Variants in PRKCH observed in about 807,000 individuals in gnomAD.
PRKCH encodes protein kinase C eta type.
A neutral mutation model predicts 82.5 loss-of-function variants in PRKCH; 28 were observed. That is an observed-to-expected ratio of 0.34 (90% confidence interval 0.25 to 0.47). The LOEUF is 0.47. Among genes scored for constraint, PRKCH ranks in the 20% least tolerant of loss-of-function variants. The pLI is 1.00. For synonymous variants in PRKCH, 322 were observed against 327.4 expected (o/e 0.98, Z 0.18); for missense variants, 705 against 881.8 (o/e 0.80, Z 2.54).
chr14:61,379,860 A>G (rs1299797810), intron 1 of PRKCH, among the ~76,000 whole-genome samples: 1 of 152,184 alleles, frequency 6.6e-6, no homozygotes, highest in African/African-American at 2.4e-5. Context: ...TACTTAGCAG[A>G]AACGAGGAGT....
At chr14:61,479,113 T>TTGTCTC (rs1362215219) in intron 9 of PRKCH, among the ~76,000 whole-genome samples, 1 of 152,126 alleles carries the variant, frequency 6.6e-6, no homozygotes, top group African/African-American at 2.4e-5. Context: ...CCCTGATCTC[T>TTGTCTC]TGTCTCTGCC....
chr14:61,241,320 TC>T (rs1327203063), intron 1 of PRKCH, among the ~76,000 whole-genome samples: 1 of 152,178 alleles, frequency 6.6e-6, no homozygotes, highest in Non-Finnish European at 1.5e-5. Flanking sequence ...CTGAACCCAG[TC>T]TTTTGGCAGG....
rs1356735144 is a variant in PRKCH at position 61,322,065 on chromosome 14, C to T, written c.-37C>T. The T allele has an allele frequency of 1.3e-6, 2 of 1,501,056 alleles. No homozygotes were observed. The highest frequency in any genetic ancestry group is 1.8e-6 in the Non-Finnish European group (2 of 1,120,128). 93.0% of individuals were successfully genotyped at this position (1,501,056 alleles called of 1,614,324 possible). A position where few individuals can be genotyped will look rare whatever the true frequency, so the allele number is the denominator to read the frequency against. On this transcript the variant is annotated 5_prime_UTR_variant, in exon 1 of 14. Transcript: ENST00000332981. ...GACTCCCGGTTCTCCCGCTGCGAAGCAGCGCGGCCCCCCGGGGCCGGGGCA... is the reference window on the plus strand; with the variant it reads ...GACTCCCGGTTCTCCCGCTGCGAAGTAGCGCGGCCCCCCGGGGCCGGGGCA...
At chr14:61,488,361 C>G (rs1190376151) in intron 10 of PRKCH, among the ~76,000 whole-genome samples, 1 of 152,132 alleles carries the variant, frequency 6.6e-6, no homozygotes, top group Non-Finnish European at 1.5e-5. Flanking sequence ...GCACTTGTTA[C>G]AGGACCAGCA....
chr14:61,503,975 A>G (rs143692480), intron 10 of PRKCH, among the ~76,000 whole-genome samples: 1 of 152,128 alleles, frequency 6.6e-6, no homozygotes, highest in Admixed American at 6.5e-5. Flanking sequence ...CAAGATAAAA[A>G]CTCATCAGAG....
chr14:61,211,690 C>T (rs533086828), intron 1 of PRKCH, among the ~76,000 whole-genome samples: 110 of 152,252 alleles, frequency 7.2e-4, no homozygotes, highest in African/African-American at 1.5e-3. Context: ...GACTGCAGCC[C>T]GCTCCTCACC....
Position 61,547,859 on chromosome 14 carries a change from A to T in PRKCH, c.1878A>T (p.Gln626His). The part of the protein sequence containing the change: ...EIDWAQLNHR[Q>H]IEPPFRPRIK... The stretch of plus-strand genomic sequence containing the variant: ...ACTGGGCCCAGCTGAACCATCGCCA[A>T]ATAGAACCGCCTTTCAGACCCAGAA... Residue 626 changes from glutamine to histidine, a missense_variant, in exon 13 of 14, where the codon CAA becomes CAT. By Grantham distance (24) the Gln-to-His change is conservative. Around this residue, in one of 5 missense-constraint regions of PRKCH, gnomAD observed 91 missense variants for 81.2 expected, o/e 1.12. Coordinates refer to ENST00000332981, the MANE Select transcript of PRKCH (RefSeq NM_006255.5). 6.2e-7 allele frequency: 1 copy of T among 1,614,006 alleles called. No individual in the cohort carries two copies. Among genetic ancestry groups the T allele is most frequent in the African/African-American group, 1.3e-5 (1 of 75,040 alleles).
intron 5 of PRKCH, 71 bp downstream of exon 5, chr14:61,449,323 C>T: frequency 1.7e-6 from 2 of 1,192,740 alleles, no homozygotes; most frequent in Non-Finnish European, 2.4e-6. Flanking sequence ...CGTCTCTCTC[C>T]CTCCCTCCCT....
At chr14:61,429,745 A>C (rs929540322) in intron 2 of PRKCH, among the ~76,000 whole-genome samples, 3 of 152,234 alleles carry the variant, frequency 2.0e-5, no homozygotes, top group African/African-American at 7.2e-5. Flanking sequence ...GAGGAAGCAG[A>C]AACAATGTAA....
At chr14:61,290,257 A>C (rs1297518443) in intron 1 of PRKCH, among the ~76,000 whole-genome samples, 1 of 151,572 alleles carries the variant, frequency 6.6e-6, no homozygotes, top group Non-Finnish European at 1.5e-5. Context: ...ACACCAGTGC[A>C]CTCCAGCCTG....
chr14:61,285,725 A>G (rs970307322), intron 1 of PRKCH, among the ~76,000 whole-genome samples: 2 of 152,228 alleles, frequency 1.3e-5, no homozygotes, highest in African/African-American at 4.8e-5. Context: ...AGCCAGTGCA[A>G]TGGAGGCTGC....
At chr14:61,542,060 C>T (rs2043193325) in intron 12 of PRKCH, among the ~76,000 whole-genome samples, 1 of 151,956 alleles carries the variant, frequency 6.6e-6, no homozygotes, top group South Asian at 2.1e-4. Context: ...GAGGCCGAGG[C>T]AGGCGGATCA....
Position 61,457,679 on chromosome 14 carries a change from C to T in PRKCH, c.1278C>T (p.Pro426=), listed in dbSNP as rs149671171. ...LTQLFCCFQT[P]DRLFFVMEFV... ...AGTTGTTCTGCTGCTTTCAGACCCC[C>T]GTAAGTATGAATCACATTCACTGCA... Residue 426 remains proline, a splice_region_variant and synonymous_variant, in exon 9 of 14, where the codon CCC becomes CCT. Coordinates refer to ENST00000332981, the MANE Select transcript of PRKCH (RefSeq NM_006255.5). The T allele has an allele frequency of 2.1e-5, 34 of 1,613,842 alleles. No individual in the cohort carries two copies. Among genetic ancestry groups the T allele is most frequent in the Middle Eastern group, 1.6e-4 (1 of 6,062 alleles).
intron 1 of PRKCH, among the ~76,000 whole-genome samples, chr14:61,283,915 A>C (rs2045293077): frequency 6.6e-6 from 1 of 152,214 alleles, no homozygotes; most frequent in Non-Finnish European, 1.5e-5. Flanking sequence ...AAAGGGAAGG[A>C]GAAAGGCAAG....
intron 10 of PRKCH, among the ~76,000 whole-genome samples, chr14:61,502,084 CG>C (rs1886943550): frequency 2.2e-5 from 1 of 46,348 alleles, no homozygotes; most frequent in African/African-American, 8.7e-5. Context: ...TTTTTTTTTC[CG>C]AGATGGAGTC....
chr14:61,310,258 T>A (rs192583384), intron 1 of PRKCH, among the ~76,000 whole-genome samples: 30 of 152,278 alleles, frequency 2.0e-4, no homozygotes, highest in Non-Finnish European at 4.0e-4. Flanking sequence ...GTCCAAAGTT[T>A]CATTTGAGAC....
At position 61,280,720 on chromosome 14, in the gene PRKCH, G is replaced by T. The variant is rs745763965; in HGVS notation, c.-19+93052G>T. 9 of 1,578,256 alleles carry T rather than the reference G, an allele frequency of 5.7e-6. No individual in the cohort carries two copies. The South Asian group carries it at 1.0e-4, about 18-fold the overall frequency. ...CTGGTAGGGGGCGCACTCGTTGACA[G>T]GGTGGCGCAGCGCGCTGGGGAGTCC... On this transcript the variant is annotated intron_variant, in intron 1 of 3. Transcript: ENST00000555185. This position sits in a 1 kb window ranked among gnomAD's most constrained non-coding sequence, Gnocchi z 5.0.
intron 1 of PRKCH, among the ~76,000 whole-genome samples, chr14:61,271,658 A>C (rs2045154820): frequency 6.6e-6 from 1 of 152,216 alleles, no homozygotes; most frequent in Non-Finnish European, 1.5e-5. Flanking sequence ...TGTGAAATGC[A>C]GTTAATATTA....
intron 1 of PRKCH, among the ~76,000 whole-genome samples, chr14:61,309,583 G>A (rs931902640): frequency 1.1e-4 from 16 of 152,154 alleles, no homozygotes; most frequent in African/African-American, 3.6e-4. Context: ...GCAAACCAAA[G>A]TCTTTGAAAG....
Sources: allele counts gnomAD v4.1 joint callset (sites outside exome capture counted in the v4.1 genomes callset), GRCh38; gene constraint gnomAD v4.1.1; regional missense constraint gnomAD v4.1.1; non-coding constraint Gnocchi (gnomAD v3.1); transcripts MANE v1.5; gene names NCBI Gene and HGNC (gene_info 2026-07-23, HGNC 2026-07-21).